The following GALR1 variants were observed in gnomAD, a reference collection of about 807,000 sequenced individuals.
The protein encoded by GALR1 is galanin receptor type 1.
In GALR1, 11 loss-of-function variants were observed where a neutral mutation model predicts 17.9. The observed-to-expected ratio is 0.62, with a 90% CI of 0.39 to 1.02. The LOEUF (loss-of-function observed/expected upper bound fraction) is 1.02. GALR1 is among the 50% of genes least tolerant of loss of function. The pLI, the probability that GALR1 is intolerant of heterozygous loss-of-function variation, is 0.01. For synonymous variants in GALR1, 206 were observed against 205.7 expected (o/e 1.00, Z -0.01); for missense variants, 441 against 456.9 (o/e 0.97, Z 0.32).
rs542814316 is a variant in GALR1 at position 77,264,179 on chromosome 18, T to C, written c.733-4406T>C. Among the ~76,000 whole-genome samples, 194 of 145,200 alleles carry C rather than the reference T, an allele frequency of 1.3e-3. 4 individuals carry two copies. The highest frequency in any genetic ancestry group is 2.4e-4 in the Non-Finnish European group (16 of 66,506). ...AAAAAAAAAAAGAATCCTTTTGCTATGTAGGATTTCCCCTCCTAGCAGTGT... is the reference window on the plus strand; with the variant it reads ...AAAAAAAAAAAGAATCCTTTTGCTACGTAGGATTTCCCCTCCTAGCAGTGT... On this transcript the variant is annotated intron_variant, in intron 2 of 2. Coordinates refer to ENST00000299727, the MANE Select transcript of GALR1 (RefSeq NM_001480.4).
At position 77,272,837 on chromosome 18, in the gene GALR1, T is replaced by A. The variant is rs905964214; in HGVS notation, c.*3935T>A. The A allele has an allele frequency of 1.3e-5, 2 of 152,214 alleles. No individual in the cohort carries two copies. The highest frequency in any genetic ancestry group is 2.9e-5 in the Non-Finnish European group (2 of 68,034). The allele number at this position is 152,214 out of a possible 1,614,324, so 9.4% of individuals were successfully genotyped here. On this transcript the variant is annotated 3_prime_UTR_variant, in exon 3 of 3. Transcript: ENST00000299727. ...GCCTGGAAAGAACAAAATTATGAAATGGTAATTATATCTGATTTTATTTAA... is the reference window on the plus strand; with the variant it reads ...GCCTGGAAAGAACAAAATTATGAAAAGGTAATTATATCTGATTTTATTTAA...
At chr18:77,262,650 G>C (rs1912857788) in intron 2 of GALR1, among the ~76,000 whole-genome samples, 2 of 152,188 alleles carry the variant, frequency 1.3e-5, no homozygotes. Flanking sequence ...TGAGATGCTT[G>C]ATAAACAAGA....
rs1215037243 is a variant in GALR1 at position 77,272,064 on chromosome 18, A to G, written c.*3162A>G. 2 of 152,188 alleles carry G rather than the reference A, an allele frequency of 1.3e-5. No individual in the cohort carries two copies. Among genetic ancestry groups the G allele is most frequent in the Non-Finnish European group, 2.9e-5 (2 of 68,028 alleles). The allele number at this position is 152,188 out of a possible 1,614,324, so 9.4% of individuals were successfully genotyped here. ...TATTTTACACATTGGGAGTAAAACCATTTCCGCCCCATCCCAATCTCTTGT... is the reference window on the plus strand; with the variant it reads ...TATTTTACACATTGGGAGTAAAACCGTTTCCGCCCCATCCCAATCTCTTGT... On this transcript the variant is annotated 3_prime_UTR_variant, in exon 3 of 3. Transcript: ENST00000299727.
rs1458574403 is a variant in GALR1 at position 77,260,241 on chromosome 18, T to C, written c.732+4018T>C. On this transcript the variant is annotated intron_variant, in intron 2 of 2. Coordinates refer to ENST00000299727, the MANE Select transcript of GALR1 (RefSeq NM_001480.4). ...TGAGGGCCGTTTTCTGGTTCATAGA[T>C]GGCCCCTTCTCTCTGTATCCTCACA... 2.0e-5 allele frequency among the ~76,000 whole-genome samples: 3 copies of C among 152,214 alleles called. No individual in the cohort carries two copies. In the East Asian group the frequency reaches 5.8e-4, roughly 29 times the overall value.
intron 2 of GALR1, among the ~76,000 whole-genome samples, chr18:77,266,527 G>T (rs948801516): frequency 6.6e-6 from 1 of 152,152 alleles, no homozygotes; most frequent in Non-Finnish European, 1.5e-5. Flanking sequence ...CCCACTCTCT[G>T]CAGTACCAAT....
chr18:77,256,236 A>AT lies in GALR1; in HGVS notation c.732+13_732+14insT. On this transcript the variant is annotated intron_variant, in intron 2 of 2. Transcript: ENST00000299727. The stretch of plus-strand genomic sequence containing the variant: ...ATCCAAGAAAAAGGTAATGATCACA[A>AT]ATATATATATATATGTTACTTTTCA... The AT allele has an allele frequency of 3.0e-6, 4 of 1,320,034 alleles. No individual in the cohort carries two copies. The highest frequency in any genetic ancestry group is 4.3e-6 in the Non-Finnish European group (4 of 920,356). The allele number at this position is 1,320,034 out of a possible 1,614,324, so 81.8% of individuals were successfully genotyped here.
Position 77,250,374 on chromosome 18 carries a change from A to G in GALR1, c.-175A>G, listed in dbSNP as rs536759138. 6.6e-6 allele frequency among the ~76,000 whole-genome samples: 1 copy of G among 152,006 alleles called. No individual in the cohort carries two copies. The highest frequency in any genetic ancestry group is 1.5e-5 in the Non-Finnish European group (1 of 67,986). ...AAGGTCCCGGCGCAAAGACGGTGCC[A>G]CCAGGCACGGCCACCGGATCCCCGC... On this transcript the variant is annotated 5_prime_UTR_variant, in exon 1 of 3. Transcript: ENST00000299727.
intron 1 of GALR1, among the ~76,000 whole-genome samples, chr18:77,252,863 CCACCACCACCACCACCAT>C (rs1912454459): frequency 2.1e-5 from 2 of 96,412 alleles, no homozygotes; most frequent in African/African-American, 4.1e-5. Flanking sequence ...AACACCACCA[CCACCACCACCACCACCAT>C]CACCACCACC....
intron 1 of GALR1, among the ~76,000 whole-genome samples, chr18:77,252,035 T>G (rs1273050946): frequency 6.6e-6 from 1 of 152,186 alleles, no homozygotes; most frequent in Non-Finnish European, 1.5e-5. Flanking sequence ...GTGAAGTGGT[T>G]GAGGCGGCGG....
At chr18:77,265,564 C>G (rs1449284951) in intron 2 of GALR1, among the ~76,000 whole-genome samples, 1 of 152,190 alleles carries the variant, frequency 6.6e-6, no homozygotes, top group Non-Finnish European at 1.5e-5. Context: ...TGTGTGGGAG[C>G]TCTGACCCCA....
chr18:77,263,853 T>G (rs1274146655), intron 2 of GALR1, among the ~76,000 whole-genome samples: 4 of 152,162 alleles, frequency 2.6e-5, no homozygotes, highest in African/African-American at 4.8e-5. Flanking sequence ...AAGAGTCTTT[T>G]TGGCCAGGCA....
chr18:77,268,809 G>T lies in GALR1; in HGVS notation c.957G>T (p.Lys319Asn), dbSNP rs1330403049. 6.2e-7 allele frequency: 1 copy of T among 1,613,812 alleles called. No homozygotes were observed. The highest frequency in any genetic ancestry group is 1.3e-5 in the African/African-American group (1 of 74,914). Residue 319 changes from lysine (K) to asparagine (N), a missense_variant, in exon 3 of 3, where the codon AAG becomes AAT. Coordinates refer to ENST00000299727, the MANE Select transcript of GALR1 (RefSeq NM_001480.4). ...NFRKAYKQVF[K>N]CHIRKDSHLS... ...GGAAGGCCTATAAACAAGTGTTCAAGTGTCACATTCGCAAAGATTCACACC... is the reference window on the plus strand; with the variant it reads ...GGAAGGCCTATAAACAAGTGTTCAATTGTCACATTCGCAAAGATTCACACC...
At chr18:77,255,197 A>C (rs1361103835) in intron 1 of GALR1, among the ~76,000 whole-genome samples, 4 of 152,154 alleles carry the variant, frequency 2.6e-5, no homozygotes, top group African/African-American at 7.2e-5. Flanking sequence ...TTTTCTCTAG[A>C]TTTTTCCCTC....
Position 77,271,756 on chromosome 18 carries a change from G to A in GALR1, c.*2854G>A, listed in dbSNP as rs1343264135. ...AGATTTGGCTGTCTCAGTGCCCAAG[G>A]CAGCTGTTATTTTCCTAGGCTTTTT... is the stretch of plus-strand genomic sequence containing the variant. On this transcript the variant is annotated 3_prime_UTR_variant, in exon 3 of 3. Transcript: ENST00000299727. 3 of 152,210 alleles carry A rather than the reference G, an allele frequency of 2.0e-5. No homozygotes were observed. Among genetic ancestry groups the A allele is most frequent in the African/African-American group, 7.2e-5 (3 of 41,458 alleles). The allele number at this position is 152,210 out of a possible 1,614,324, so 9.4% of individuals were successfully genotyped here.
chr18:77,258,854 ATGG>A lies in GALR1; in HGVS notation c.732+2640_732+2642del, dbSNP rs1320279452. On this transcript the variant is annotated intron_variant, in intron 2 of 2. Coordinates refer to ENST00000299727, the MANE Select transcript of GALR1 (RefSeq NM_001480.4). ...GGTGATGGTGGTGATGGTGGTGGTG[ATGG>A]TGGTGGTGATGGTGGTGATGATGGT... Among the ~76,000 whole-genome samples the A allele has an allele frequency of 1.5e-3, 73 of 50,292 alleles. 3 individuals carry two copies. The highest frequency in any genetic ancestry group is 4.6e-3 in the African/African-American group (51 of 11,180). 33.0% of individuals were successfully genotyped at this position (50,292 alleles called of 152,430 possible). A position where few individuals can be genotyped will look rare whatever the true frequency, so the allele number is the denominator to read the frequency against.
At chr18:77,253,947 C>T (rs954207219) in intron 1 of GALR1, 3 of 152,274 alleles carry the variant, frequency 2.0e-5, no homozygotes, top group Non-Finnish European at 2.9e-5. Context: ...TGCCCAGTGC[C>T]CCCTGAAGAG....
chr18:77,250,716 C>G lies in GALR1; in HGVS notation c.168C>G (p.Thr56=), dbSNP rs777504901. 1 of 1,613,634 alleles carries G rather than the reference C, an allele frequency of 6.2e-7. No individual in the cohort carries two copies. The highest frequency in any genetic ancestry group is 1.7e-5 in the Admixed American group (1 of 60,018). ...LGVLGNSLVI[T]VLARSKPGKP... ...TGCTGGGCAACAGCCTAGTGATCAC[C>G]GTGCTGGCGCGCAGCAAGCCGGGCA... Residue 56 remains threonine (T), a synonymous_variant, in exon 1 of 3, where the codon ACC becomes ACG. Coordinates refer to ENST00000299727, the MANE Select transcript of GALR1 (RefSeq NM_001480.4).
Position 77,275,915 on chromosome 18 carries a change from A to C in GALR1, c.*7013A>C, listed in dbSNP as rs985302093. 6.6e-6 allele frequency: 1 copy of C among 152,186 alleles called. No individual in the cohort carries two copies. Among genetic ancestry groups the C allele is most frequent in the South Asian group, 2.1e-4 (1 of 4,830 alleles). 9.4% of individuals were successfully genotyped at this position (152,186 alleles called of 1,614,324 possible). ...CGTGCCCTGTGTTCTTAACAGCCTCATGGGGCCTAGAGGAACTTTTACATG... is the reference window on the plus strand; with the variant it reads ...CGTGCCCTGTGTTCTTAACAGCCTCCTGGGGCCTAGAGGAACTTTTACATG... On this transcript the variant is annotated 3_prime_UTR_variant, in exon 3 of 3. Transcript: ENST00000299727.
intron 1 of GALR1, among the ~76,000 whole-genome samples, chr18:77,254,159 C>T (rs1213331308): frequency 6.6e-6 from 1 of 152,154 alleles, no homozygotes; most frequent in Non-Finnish European, 1.5e-5. Context: ...TTCCTGTGCA[C>T]ACTCAGAAAT....
Sources: gnomAD v4.1 joint callset for allele counts (sites outside exome capture counted in the v4.1 genomes callset) on GRCh38, gnomAD v4.1.1 for gene constraint, MANE v1.5 for transcripts, NCBI Gene and HGNC (gene_info 2026-07-23, HGNC 2026-07-21) for gene names.